Variants in KCNIP4 observed in about 807,000 individuals in gnomAD.
KCNIP4 encodes potassium voltage-gated channel interacting protein 4, also known as Kv channel-interacting protein 4.
A neutral mutation model predicts 34.0 loss-of-function variants in KCNIP4; 12 were observed. That is an observed-to-expected ratio of 0.35 (90% CI 0.23 to 0.57). The LOEUF is 0.57. KCNIP4 is among the 20% of genes least tolerant of loss of function. KCNIP4 has a pLI of 0.83. For synonymous variants in KCNIP4, 124 were observed against 102.2 expected, an observed-to-expected ratio of 1.21 and a Z score of -1.29; for missense variants, 238 against 311.7, an observed-to-expected ratio of 0.76 and a Z score of 1.78.
At chr4:21,279,912 A>G (rs1762674625) in intron 1 of KCNIP4, among the ~76,000 whole-genome samples, 1 of 152,170 alleles carries the variant, frequency 6.6e-6, no homozygotes. Flanking sequence ...GCACTTTACT[A>G]TTAAAAGAGT....
chr4:21,907,405 C>T (rs1728065191), intron 1 of KCNIP4, among the ~76,000 whole-genome samples: 1 of 152,184 alleles, frequency 6.6e-6, no homozygotes, highest in Non-Finnish European at 1.5e-5. Flanking sequence ...TGTTCTTGGA[C>T]TTTCTAGCCT....
At chr4:21,150,224 A>T (rs895184737) in intron 1 of KCNIP4, among the ~76,000 whole-genome samples, 4 of 152,178 alleles carry the variant, frequency 2.6e-5, no homozygotes, top group Non-Finnish European at 5.9e-5. Flanking sequence ...CAGCAAACAC[A>T]TAGGGTATGT....
Position 20,950,285 on chromosome 4 carries a change from ACTATTAT to A in KCNIP4, c.62-67583_62-67577del, listed in dbSNP as rs1308814120. On this transcript the variant is annotated intron_variant, in intron 1 of 8. Coordinates refer to ENST00000382152, the MANE Select transcript of KCNIP4 (RefSeq NM_025221.6). ...GATCTAGCTGTAGCTAGCATGGCTC[ACTATTAT>A]CTTAGCTCATTAGTCTTTTTAACCT... 1.4e-4 allele frequency among the ~76,000 whole-genome samples: 22 copies of A among 152,224 alleles called. No individual in the cohort carries two copies. The South Asian group carries it at 4.3e-3, about 30-fold the overall frequency.
intron 1 of KCNIP4, among the ~76,000 whole-genome samples, chr4:21,074,033 G>A (rs1577644794): frequency 6.6e-6 from 1 of 152,210 alleles, no homozygotes; most frequent in African/African-American, 2.4e-5. Flanking sequence ...GCTGGATTCA[G>A]TATGCAAGTA....
intron 1 of KCNIP4, among the ~76,000 whole-genome samples, chr4:21,770,124 C>A (rs930479181): frequency 2.6e-5 from 4 of 152,142 alleles, no homozygotes; most frequent in African/African-American, 9.7e-5. Flanking sequence ...CCCCTCACCC[C>A]CTAACCCCCA....
At chr4:21,240,477 C>T (rs1291652048) in intron 1 of KCNIP4, among the ~76,000 whole-genome samples, 1 of 152,026 alleles carries the variant, frequency 6.6e-6, no homozygotes, top group Non-Finnish European at 1.5e-5. Flanking sequence ...ATAACAGACC[C>T]CATGTAGCAA....
intron 1 of KCNIP4, among the ~76,000 whole-genome samples, chr4:21,487,906 A>G (rs1265591041): frequency 6.6e-6 from 1 of 152,048 alleles, no homozygotes; most frequent in African/African-American, 2.4e-5. Context: ...GTACTATATA[A>G]TGATTCATGT....
At chr4:21,077,369 A>G (rs963709563) in intron 1 of KCNIP4, among the ~76,000 whole-genome samples, 3 of 152,166 alleles carry the variant, frequency 2.0e-5, no homozygotes, top group Admixed American at 1.3e-4. Flanking sequence ...TATAAAAATC[A>G]TGTAGTCTTG....
chr4:21,762,855 G>T (rs1325815291), intron 1 of KCNIP4: 2 of 1,031,924 alleles, frequency 1.9e-6, no homozygotes, highest in Admixed American at 2.6e-5. Context: ...GTGTGAGAAA[G>T]GAAAGGAGAA....
At chr4:20,968,508 C>A (rs1167771098) in intron 1 of KCNIP4, among the ~76,000 whole-genome samples, 1 of 152,016 alleles carries the variant, frequency 6.6e-6, no homozygotes, top group Non-Finnish European at 1.5e-5. Flanking sequence ...TTCACAATAG[C>A]AAAGACTTGG....
intron 1 of KCNIP4, among the ~76,000 whole-genome samples, chr4:21,939,118 T>C (rs1336717794): frequency 1.3e-5 from 2 of 152,182 alleles, no homozygotes; most frequent in African/African-American, 4.8e-5. Context: ...ATGTCTTAAA[T>C]TGCAATTCTT....
intron 1 of KCNIP4, among the ~76,000 whole-genome samples, chr4:21,820,218 T>A (rs962296028): frequency 6.7e-6 from 1 of 149,172 alleles, no homozygotes; most frequent in African/African-American, 2.5e-5. Flanking sequence ...ATATACAGTA[T>A]AATAAATTAT....
intron 4 of KCNIP4, among the ~76,000 whole-genome samples, chr4:20,754,280 C>G (rs1044618415): frequency 3.3e-5 from 5 of 152,148 alleles, no homozygotes; most frequent in African/African-American, 9.7e-5. Context: ...AGAAAGCTAA[C>G]AGCCTGACAC....
At chr4:20,803,727 GAGGAAGGAAGGA>G (rs1553898989) in intron 3 of KCNIP4, among the ~76,000 whole-genome samples, 4 of 91,442 alleles carry the variant, frequency 4.4e-5, no homozygotes, top group Non-Finnish European at 9.4e-5. Context: ...GAGAGAGAGA[GAGGAAGGAAGGA>G]AGGAAGGAAG....
chr4:20,782,791 C>T (rs1348311541), intron 3 of KCNIP4, among the ~76,000 whole-genome samples: 3 of 152,086 alleles, frequency 2.0e-5, no homozygotes, highest in East Asian at 1.9e-4. Context: ...ACATTCAGCT[C>T]CTCATTACTT....
At chr4:20,787,143 T>C (rs1480304752) in intron 3 of KCNIP4, among the ~76,000 whole-genome samples, 2 of 152,176 alleles carry the variant, frequency 1.3e-5, no homozygotes, top group African/African-American at 2.4e-5. Context: ...GCAGACAGTT[T>C]AGATACAAAT....
At chr4:21,250,001 T>A (rs1260162881) in intron 1 of KCNIP4, among the ~76,000 whole-genome samples, 2 of 152,112 alleles carry the variant, frequency 1.3e-5, no homozygotes, top group Non-Finnish European at 2.9e-5. Context: ...GGGTTCAGAA[T>A]GGTGATTTCT....
intron 1 of KCNIP4, among the ~76,000 whole-genome samples, chr4:21,240,652 A>G (rs781426706): frequency 6.6e-6 from 1 of 152,164 alleles, no homozygotes; most frequent in Non-Finnish European, 1.5e-5. Context: ...ACAATTTATT[A>G]GAGAAGGCTT....
At chr4:21,243,802 T>C (rs1760014862) in intron 1 of KCNIP4, among the ~76,000 whole-genome samples, 1 of 152,032 alleles carries the variant, frequency 6.6e-6, no homozygotes, top group Non-Finnish European at 1.5e-5. Context: ...AAACCAAAAA[T>C]CAACAAAAAC....
Sources: allele counts gnomAD v4.1 joint callset (sites outside exome capture counted in the v4.1 genomes callset), GRCh38; gene constraint gnomAD v4.1.1; transcripts MANE v1.5; gene names NCBI Gene and HGNC (gene_info 2026-07-23, HGNC 2026-07-21).